DPP10: variants seen among roughly 807,000 people sequenced by gnomAD.
DPP10 encodes the protein dipeptidyl peptidase like 10, also known as inactive dipeptidyl peptidase 10.
In DPP10, 33 loss-of-function variants were observed where a neutral mutation model predicts 120.9. The observed-to-expected ratio is 0.27, with a 90% CI of 0.21 to 0.37. The LOEUF (loss-of-function observed/expected upper bound fraction) is 0.37, where lower values mean the gene tolerates loss of function less well. Ranked by LOEUF, DPP10 falls within the 10% of genes least tolerant of loss-of-function variation. The pLI, the probability that DPP10 is intolerant of heterozygous loss-of-function variation, is 1.00. For missense variants in DPP10, 816 were observed against 942.8 expected, an observed-to-expected ratio of 0.87 and a Z score of 1.76; for synonymous variants, 337 against 326.1, an observed-to-expected ratio of 1.03 and a Z score of -0.36.
intron 1 of DPP10, among the ~76,000 whole-genome samples, chr2:114,542,976 G>T (rs1490095936): frequency 6.6e-6 from 1 of 152,112 alleles, no homozygotes; most frequent in African/African-American, 2.4e-5. Context: ...ATAAGCCCTG[G>T]GTTTGCTCAA....
chr2:115,561,907 T>C (rs116829537), intron 5 of DPP10, among the ~76,000 whole-genome samples: 1,690 of 152,286 alleles, frequency 0.011, 32 homozygotes, highest in African/African-American at 0.039. Context: ...CTCCTCTCCT[T>C]TCATCTCCCA....
At chr2:114,620,731 T>C (rs1202177720) in intron 1 of DPP10, among the ~76,000 whole-genome samples, 3 of 152,084 alleles carry the variant, frequency 2.0e-5, no homozygotes, top group Non-Finnish European at 1.5e-5. Flanking sequence ...TTCAGAGTTT[T>C]GGCCCTGCCC....
intron 3 of DPP10, among the ~76,000 whole-genome samples, chr2:115,381,538 C>G (rs2066355934): frequency 6.6e-6 from 1 of 152,208 alleles, no homozygotes; most frequent in Non-Finnish European, 1.5e-5. Context: ...CGTCTGAAGC[C>G]TTCTTCTCTC....
At chr2:114,579,010 T>C (rs1422064759) in intron 1 of DPP10, among the ~76,000 whole-genome samples, 3 of 152,330 alleles carry the variant, frequency 2.0e-5, no homozygotes, top group South Asian at 4.1e-4. Context: ...ACTCTCAAAT[T>C]TGGTCACCCC....
intron 1 of DPP10, among the ~76,000 whole-genome samples, chr2:114,825,200 T>C (rs756998486): frequency 2.0e-4 from 30 of 152,220 alleles, no homozygotes; most frequent in Non-Finnish European, 3.8e-4. Flanking sequence ...AGTGACTATA[T>C]ATTTCTCCCT....
intron 1 of DPP10, among the ~76,000 whole-genome samples, chr2:114,799,887 A>G (rs1684047825): frequency 6.6e-6 from 1 of 152,348 alleles, no homozygotes; most frequent in East Asian, 1.9e-4. Context: ...AGCTGGCACT[A>G]TTTGAATCAT....
chr2:115,170,533 T>G (rs911976156), intron 1 of DPP10, among the ~76,000 whole-genome samples: 1 of 152,212 alleles, frequency 6.6e-6, no homozygotes, highest in Admixed American at 6.5e-5. Flanking sequence ...AAATTATGAA[T>G]AGATTTTCTA....
At chr2:115,448,946 T>G (rs1337526788) in intron 3 of DPP10, among the ~76,000 whole-genome samples, 1 of 152,130 alleles carries the variant, frequency 6.6e-6, no homozygotes, top group Non-Finnish European at 1.5e-5. Context: ...TGTTTTAACT[T>G]GTGGTCTCTC....
chr2:114,534,366 T>A (rs939685005), intron 1 of DPP10, among the ~76,000 whole-genome samples: 2 of 152,070 alleles, frequency 1.3e-5, no homozygotes, highest in African/African-American at 4.8e-5. Context: ...CCTTTAACTC[T>A]GATATCCAGT....
At chr2:114,625,009 A>G (rs1162354417) in intron 1 of DPP10, among the ~76,000 whole-genome samples, 1 of 151,922 alleles carries the variant, frequency 6.6e-6, no homozygotes, top group Non-Finnish European at 1.5e-5. Flanking sequence ...ATATCCTAAT[A>G]TCACATCTAA....
chr2:114,992,243 G>A (rs1574648856), intron 1 of DPP10, among the ~76,000 whole-genome samples: 1 of 152,170 alleles, frequency 6.6e-6, no homozygotes, highest in South Asian at 2.1e-4. Context: ...AAATGAAAAT[G>A]CATTCTTCTG....
In DPP10 at chr2:115,221,935, A is replaced by T. The variant is rs183397838; in HGVS notation, c.61-87304A>T. On this transcript the variant is annotated intron_variant, in intron 1 of 25. Transcript: ENST00000410059. ...CTGTTCATTTGGAGCTATTTGTTTG[A>T]AGCTGATTAGTGAAAATGCTAAGTG... 6.1e-4 allele frequency among the ~76,000 whole-genome samples: 93 copies of T among 152,190 alleles called. 1 individual carries two copies. In the South Asian group the frequency reaches 9.7e-3, roughly 16 times the overall value.
At chr2:115,425,848 T>TAAAA (rs2070406944) in intron 3 of DPP10, among the ~76,000 whole-genome samples, 1 of 152,170 alleles carries the variant, frequency 6.6e-6, no homozygotes, top group African/African-American at 2.4e-5. Flanking sequence ...AGGGAGCTTT[T>TAAAA]ACTCATGGCA....
chr2:115,490,311 G>A (rs1349146396), intron 3 of DPP10, among the ~76,000 whole-genome samples: 1 of 152,076 alleles, frequency 6.6e-6, no homozygotes, highest in Non-Finnish European at 1.5e-5. Flanking sequence ...TGCCAGCAGG[G>A]GAAATGCCAG....
At chr2:115,771,056 G>GTATTTATTTATT (rs5833633) in intron 13 of DPP10, among the ~76,000 whole-genome samples, 1 of 149,090 alleles carries the variant, frequency 6.7e-6, no homozygotes, top group Non-Finnish European at 1.5e-5. Context: ...ATACTGTACT[G>GTATTTATTTATT]TATTTATTTA....
chr2:114,472,681 A>G (rs1382609315), intron 1 of DPP10, among the ~76,000 whole-genome samples: 3 of 152,164 alleles, frequency 2.0e-5, no homozygotes, highest in Non-Finnish European at 4.4e-5. Flanking sequence ...ATCTCCCCCA[A>G]CTTCTAGTAA....
At chr2:115,054,769 G>T (rs1382694158) in intron 1 of DPP10, among the ~76,000 whole-genome samples, 1 of 152,008 alleles carries the variant, frequency 6.6e-6, no homozygotes, top group Non-Finnish European at 1.5e-5. Context: ...AAATTAGCCA[G>T]GCGTGGTGGC....
At chr2:115,804,342 T>C (rs1685648930) in intron 19 of DPP10, among the ~76,000 whole-genome samples, 1 of 152,158 alleles carries the variant, frequency 6.6e-6, no homozygotes, top group South Asian at 2.1e-4. Context: ...CTAATATTTT[T>C]TCAAAGTTTT....
At chr2:114,952,143 T>G (rs1697838693) in intron 1 of DPP10, among the ~76,000 whole-genome samples, 1 of 152,032 alleles carries the variant, frequency 6.6e-6, no homozygotes, top group Non-Finnish European at 1.5e-5. Flanking sequence ...GAAGATACTT[T>G]TAGTGTTATA....
Sources: gnomAD v4.1 joint callset for allele counts (sites outside exome capture counted in the v4.1 genomes callset) on GRCh38, gnomAD v4.1.1 for gene constraint, MANE v1.5 for transcripts, NCBI Gene and HGNC (gene_info 2026-07-23, HGNC 2026-07-21) for gene names.